AGL: variants seen among roughly 807,000 people sequenced by gnomAD.
AGL encodes glycogen debranching enzyme.
A neutral mutation model predicts 199.3 loss-of-function variants in AGL; 128 were observed. That is an observed-to-expected ratio of 0.64 (90% CI 0.56 to 0.74). The LOEUF (loss-of-function observed/expected upper bound fraction) is 0.74. Ranked by LOEUF, AGL falls within the 30% of genes least tolerant of loss-of-function variation. AGL has a pLI of 0.00. For missense variants in AGL, 1,809 were observed against 1,820.8 expected (o/e 0.99, Z 0.12); for synonymous variants, 584 against 594.7 (o/e 0.98, Z 0.26).
chr1:99,921,192 T>A (rs1216205507), intron 33 of AGL, among the ~76,000 whole-genome samples: 1 of 152,160 alleles, frequency 6.6e-6, no homozygotes, highest in African/African-American at 2.4e-5. Flanking sequence ...AGATCACACA[T>A]AACACATCTG....
chr1:99,897,476 A>G (rs17450126), intron 25 of AGL, among the ~76,000 whole-genome samples: 57,056 of 152,124 alleles, frequency 0.38, 11,674 homozygotes, highest in East Asian at 0.48. Context: ...TGAAGTTTGC[A>G]TCTTTACATG....
chr1:99,864,259 T>A, intron 4 of AGL, 127 bp from the exon 5 acceptor site: 1 of 862,252 alleles, frequency 1.2e-6, no homozygotes, highest in Non-Finnish European at 1.9e-6. Context: ...GTTTGACCTC[T>A]TTTCCAGTAG....
Position 99,881,375 on chromosome 1 carries a change from A to C in AGL, c.2085A>C (p.Gln695His). ...LPSNTGEVNF[Q>H]SGIIAARCAI... is the part of the protein sequence containing the mutation. ...CAAACACAGGTGAAGTTAATTTCCAAAGCGGCATTATTGCAGCCAGGTGTG... is the reference window on the plus strand; with the variant it reads ...CAAACACAGGTGAAGTTAATTTCCACAGCGGCATTATTGCAGCCAGGTGTG... The change falls in exon 16 of 34, where the codon CAA (glutamine) becomes CAC (histidine). Residue 695 changes from glutamine to histidine, a missense_variant. Gln to His is a conservative substitution (Grantham distance 24). Transcript: ENST00000361915. 6.2e-7 allele frequency: 1 copy of C among 1,614,154 alleles called. No homozygotes were observed. Among genetic ancestry groups the C allele is most frequent in the Non-Finnish European group, 8.5e-7 (1 of 1,180,004 alleles).
intron 7 of AGL, among the ~76,000 whole-genome samples, chr1:99,874,071 G>A (rs1174379627): frequency 1.3e-5 from 2 of 151,956 alleles, no homozygotes; most frequent in Non-Finnish European, 2.9e-5. Flanking sequence ...AAGGAATATG[G>A]TTGATGAAAA....
At chr1:99,908,682 G>A (rs1213067006) in intron 27 of AGL, among the ~76,000 whole-genome samples, 1 of 152,034 alleles carries the variant, frequency 6.6e-6, no homozygotes, top group East Asian at 1.9e-4. Context: ...CTGGTTCTTG[G>A]CCTGACAAGT....
At position 99,901,719 on chromosome 1, in the gene AGL, A is replaced by G. The variant is rs1477071223; in HGVS notation, c.3588+858A>G. Among the ~76,000 whole-genome samples the G allele has an allele frequency of 2.7e-5, 4 of 148,104 alleles. No homozygotes were observed. The East Asian group carries it at 8.0e-4, about 29-fold the overall frequency. On this transcript the variant is annotated intron_variant, in intron 26 of 33. Transcript: ENST00000361915. Reference sequence around the variant, plus strand: ...TGGACAATAATACTATACTTTTGCCACTTCTGATCTGCCTTTATGTTAATA... The same window carrying G: ...TGGACAATAATACTATACTTTTGCCGCTTCTGATCTGCCTTTATGTTAATA...
intron 27 of AGL, among the ~76,000 whole-genome samples, chr1:99,903,190 G>T (rs1292840878): frequency 6.6e-6 from 1 of 152,018 alleles, no homozygotes; most frequent in Admixed American, 6.6e-5. Flanking sequence ...ACAACGTGCA[G>T]GTTTGTTACA....
At chr1:99,900,138 C>T (rs1653709223) in intron 25 of AGL, among the ~76,000 whole-genome samples, 1 of 151,930 alleles carries the variant, frequency 6.6e-6, no homozygotes, top group Non-Finnish European at 1.5e-5. Flanking sequence ...CCATGTTGAC[C>T]AGGCTGGTCT....
intron 25 of AGL, among the ~76,000 whole-genome samples, chr1:99,898,644 A>G (rs531796292): frequency 2.0e-5 from 3 of 152,240 alleles, no homozygotes; most frequent in South Asian, 2.1e-4. Context: ...GCAGCCTTCT[A>G]TATACTGATT....
chr1:99,904,416 C>G (rs1348443096), intron 27 of AGL, among the ~76,000 whole-genome samples: 1 of 152,200 alleles, frequency 6.6e-6, no homozygotes, highest in African/African-American at 2.4e-5. Context: ...CCCAGTACAG[C>G]ATCAGAGTCA....
intron 33 of AGL, among the ~76,000 whole-genome samples, chr1:99,919,699 C>T (rs1006105682): frequency 2.0e-5 from 3 of 152,108 alleles, no homozygotes; most frequent in African/African-American, 4.8e-5. Context: ...CTATTTTTCT[C>T]CCTTTCTATA....
Position 99,922,998 on chromosome 1 carries a change from C to T in AGL, c.*1347C>T, listed in dbSNP as rs1244494172. On this transcript the variant is annotated 3_prime_UTR_variant, in exon 34 of 34. Coordinates refer to ENST00000361915, the MANE Select transcript of AGL (RefSeq NM_000642.3). ...TCTGGGCAGCAAAAATATATAAATG[C>T]TTCAGATGTCAAATACCCATGCTTG... 2 of 152,140 alleles carry T rather than the reference C, an allele frequency of 1.3e-5. No homozygotes were observed. The highest frequency in any genetic ancestry group is 3.9e-4 in the East Asian group (2 of 5,182). 9.4% of individuals were successfully genotyped at this position (152,140 alleles called of 1,614,324 possible).
chr1:99,882,069 G>A (rs1377233792), intron 17 of AGL, among the ~76,000 whole-genome samples: 3 of 151,392 alleles, frequency 2.0e-5, no homozygotes, highest in African/African-American at 7.3e-5. Context: ...AGCCCAGCAG[G>A]CAGTGGTTAC....
rs761101670 is a variant in AGL, at chr1:99,877,872, G to A, written c.1611+44G>A. On this transcript the variant is annotated intron_variant, in intron 12 of 33. Transcript: ENST00000361915. ...TCTACATTAAGAAAAGAAATTCAGT[G>A]TTCCTTCCTAGCTTTCCTTAAGTAA... is the stretch of plus-strand genomic sequence containing the variant. The A allele has an allele frequency of 6.0e-5, 95 of 1,585,388 alleles. 2 individuals are homozygous for A. The highest frequency in any genetic ancestry group is 6.1e-5 in the Non-Finnish European group (71 of 1,155,366).
intron 25 of AGL, among the ~76,000 whole-genome samples, chr1:99,897,122 G>C (rs1178893076): frequency 6.6e-6 from 1 of 152,012 alleles, no homozygotes. Flanking sequence ...GCCGTAAAAT[G>C]GTATTTTTTT....
At chr1:99,877,461 A>G (rs944447033) in intron 11 of AGL, among the ~76,000 whole-genome samples, 180 bp from the exon 12 acceptor site, 3 of 152,216 alleles carry the variant, frequency 2.0e-5, no homozygotes, top group Non-Finnish European at 2.9e-5. Flanking sequence ...CAGAATAGCT[A>G]TGAGAAATAA....
chr1:99,881,245 T>C (rs1245763183), intron 15 of AGL, 47 bp from the exon 16 acceptor site: 2 of 1,613,580 alleles, frequency 1.2e-6, no homozygotes, highest in Non-Finnish European at 8.5e-7. Context: ...TTAAAAAAAA[T>C]TCATTGTAAT....
chr1:99,901,486 C>T (rs1409996028), intron 26 of AGL, among the ~76,000 whole-genome samples: 1 of 151,096 alleles, frequency 6.6e-6, no homozygotes, highest in African/African-American at 2.4e-5. Context: ...TTTGTAAGAG[C>T]CTAGGCTCTT....
At position 99,899,777 on chromosome 1, in the gene AGL, C is replaced by T. The variant is rs534483238; in HGVS notation, c.3363-859C>T. Among the ~76,000 whole-genome samples, 64 of 151,958 alleles carry T rather than the reference C, an allele frequency of 4.2e-4. 3 individuals are homozygous for T. The highest frequency in any genetic ancestry group is 3.2e-3 in the Admixed American group (49 of 15,258). On this transcript the variant is annotated intron_variant, in intron 25 of 33. Coordinates refer to ENST00000361915, the MANE Select transcript of AGL (RefSeq NM_000642.3). ...CTGGGATTACAGGTGCCTGCCACTA[C>T]GCCCGGCTAATTTTTTGTGTTTTTA... is the stretch of plus-strand genomic sequence containing the variant.
Sources: allele counts gnomAD v4.1 joint callset (sites outside exome capture counted in the v4.1 genomes callset), GRCh38; gene constraint gnomAD v4.1.1; transcripts MANE v1.5; gene names NCBI Gene and HGNC (gene_info 2026-07-23, HGNC 2026-07-21).